STXBP4: variants seen among roughly 807,000 people sequenced by gnomAD.
The protein encoded by STXBP4 is syntaxin-binding protein 4.
A neutral mutation model predicts 76.1 loss-of-function variants in STXBP4; 55 were observed. The ratio of observed to expected loss-of-function variants is 0.72; its 90% CI spans 0.58 to 0.91. STXBP4 has a LOEUF of 0.91. Among genes scored for constraint, STXBP4 ranks in the 40% least tolerant of loss-of-function variants. STXBP4 has a pLI of 0.00. For missense variants in STXBP4, 618 were observed against 636.9 expected (o/e 0.97, Z 0.32); for synonymous variants, 201 against 220.2 (o/e 0.91, Z 0.77).
the STXBP4 span, among the ~76,000 whole-genome samples, chr17:55,188,688 T>C: frequency 6.6e-6 from 1 of 152,348 alleles, no homozygotes; most frequent in Non-Finnish European, 1.5e-5. Context: ...TTTCTTACCC[T>C]GGTTCCTGGC....
intron 16 of STXBP4, among the ~76,000 whole-genome samples, chr17:55,107,577 T>C (rs1376941880): frequency 6.6e-6 from 1 of 152,022 alleles, no homozygotes; most frequent in Non-Finnish European, 1.5e-5. Flanking sequence ...TCGTTTGATG[T>C]TGGTGACCTT....
At position 55,168,679 on chromosome 17, in the gene STXBP4, T is replaced by A. The variant is rs1269332708; in HGVS notation, c.*8768T>A. 6.6e-6 allele frequency: 1 copy of A among 152,208 alleles called. No individual in the cohort carries two copies. The highest frequency in any genetic ancestry group is 1.5e-5 in the Non-Finnish European group (1 of 68,020). 9.4% of individuals were successfully genotyped at this position (152,208 alleles called of 1,614,324 possible). A position where few individuals can be genotyped will look rare whatever the true frequency, so the allele number is the denominator to read the frequency against. ...TTTACAAAGCTCTGTACATTCAGAA[T>A]TGAACTCTTTCTGCATCTCTTTTTT... On this transcript the variant is annotated 3_prime_UTR_variant, in exon 18 of 18. Coordinates refer to ENST00000376352, the MANE Select transcript of STXBP4 (RefSeq NM_178509.6).
At chr17:55,209,833 C>T in the STXBP4 span, among the ~76,000 whole-genome samples, 3 of 152,180 alleles carry the variant, frequency 2.0e-5, no homozygotes, top group African/African-American at 4.8e-5. Context: ...TTCCCTCTTC[C>T]GAGGGGATTT....
chr17:55,123,728 G>A (rs1026779961), intron 16 of STXBP4, among the ~76,000 whole-genome samples: 6 of 151,804 alleles, frequency 4.0e-5, no homozygotes, highest in South Asian at 4.2e-4. Flanking sequence ...GTGAAACCCC[G>A]TCTCTACTAA....
At chr17:55,149,403 C>T (rs943704905) in intron 17 of STXBP4, among the ~76,000 whole-genome samples, 1 of 152,146 alleles carries the variant, frequency 6.6e-6, no homozygotes, top group Non-Finnish European at 1.5e-5. Context: ...TAAGTGTGAC[C>T]TTGGTAGTGG....
chr17:55,068,325 T>C (rs2079078206), intron 12 of STXBP4, among the ~76,000 whole-genome samples: 1 of 151,832 alleles, frequency 6.6e-6, no homozygotes, highest in Non-Finnish European at 1.5e-5. Context: ...TTTTCTCCTG[T>C]CACCTATTGA....
intron 8 of STXBP4, among the ~76,000 whole-genome samples, chr17:55,026,725 A>G (rs1468288490): frequency 3.3e-5 from 5 of 152,196 alleles, no homozygotes; most frequent in African/African-American, 1.2e-4. Flanking sequence ...TCTATATTAC[A>G]GGGGACTTTG....
rs752773929 is a variant in STXBP4, at chr17:55,159,788, C to G, written c.1548-9C>G. The G allele has an allele frequency of 1.3e-6, 2 of 1,568,876 alleles. No homozygotes were observed. The highest frequency in any genetic ancestry group is 2.2e-5 in the South Asian group (2 of 89,784). ...TTCAGATTCTAATTGCATTCTTGTT[C>G]TTCTCAAGTCATGTAACACAGACTA... On this transcript the variant is annotated splice_polypyrimidine_tract_variant and intron_variant, in intron 17 of 17. Coordinates refer to ENST00000376352, the MANE Select transcript of STXBP4 (RefSeq NM_178509.6).
intron 8 of STXBP4, among the ~76,000 whole-genome samples, chr17:55,009,233 G>A (rs568734342): frequency 6.6e-6 from 1 of 152,264 alleles, no homozygotes; most frequent in African/African-American, 2.4e-5. Flanking sequence ...TGGCTAAAAT[G>A]TAAGTTCTGG....
intron 17 of STXBP4, among the ~76,000 whole-genome samples, chr17:55,144,005 G>GCACACACACA (rs61300425): frequency 5.8e-5 from 8 of 138,856 alleles, no homozygotes; most frequent in African/African-American, 2.2e-4. Context: ...AAAGCCACCT[G>GCACACACACA]CACACACACA....
rs1238349639 is a variant in STXBP4, at chr17:55,047,090, A to T, written c.947A>T (p.Glu316Val). 6.9e-6 allele frequency: 11 copies of T among 1,598,906 alleles called. No individual in the cohort carries two copies. The highest frequency in any genetic ancestry group is 4.4e-5 in the South Asian group (4 of 89,958). ...DALKEVNTLK[E>V]KLLESDKQRK... Reference sequence around the variant, plus strand: ...TAATTTGGTGGTTTTTAAATATAGGAAAAATTATTGGAATCAGATAAGCAA... The same window carrying T: ...TAATTTGGTGGTTTTTAAATATAGGTAAAATTATTGGAATCAGATAAGCAA... The change falls in exon 12 of 18, where the codon GAA becomes GTA. Residue 316 changes from glutamate (E) to valine (V), a missense_variant and splice_region_variant. Glu to Val is a moderately radical substitution (Grantham distance 121). Transcript: ENST00000376352.
rs2080324171 is a variant in STXBP4, at chr17:55,160,074, T to C, written c.*163T>C. ...GGGTATTTTTGTAAAACTTTTGATA[T>C]TTCTGTATACATTTAAAAAATCAAT... On this transcript the variant is annotated 3_prime_UTR_variant, in exon 18 of 18. Transcript: ENST00000376352. 1 of 504,854 alleles carries C rather than the reference T, an allele frequency of 2.0e-6. No individual in the cohort carries two copies. Among genetic ancestry groups the C allele is most frequent in the African/African-American group, 2.0e-5 (1 of 51,124 alleles). 31.3% of individuals were successfully genotyped at this position (504,854 alleles called of 1,614,324 possible). A position where few individuals can be genotyped will look rare whatever the true frequency, so the allele number is the denominator to read the frequency against.
At chr17:55,033,948 A>T (rs146568693) in intron 9 of STXBP4, among the ~76,000 whole-genome samples, 1 of 152,228 alleles carries the variant, frequency 6.6e-6, no homozygotes, top group Admixed American at 6.5e-5. Context: ...CTTTATTATT[A>T]TCTTAGCTGA....
chr17:55,037,410 A>G (rs893356034), intron 10 of STXBP4, among the ~76,000 whole-genome samples: 1 of 152,182 alleles, frequency 6.6e-6, no homozygotes, highest in African/African-American at 2.4e-5. Context: ...GTCATGCTCC[A>G]GGTTAGCAAT....
intron 16 of STXBP4, among the ~76,000 whole-genome samples, chr17:55,137,779 CA>C (rs1377619668): frequency 6.6e-6 from 1 of 152,062 alleles, no homozygotes; most frequent in Non-Finnish European, 1.5e-5. Context: ...TTATTATTAG[CA>C]TTGAAAATTT....
chr17:55,171,143 C>T lies in STXBP4; in HGVS notation c.*11232C>T, dbSNP rs954066431. On this transcript the variant is annotated 3_prime_UTR_variant, in exon 18 of 18. Coordinates refer to ENST00000376352, the MANE Select transcript of STXBP4 (RefSeq NM_178509.6). ...AGTTGATGCATCATTAGGATTTTCACATTAACTCTTTGGACTTAGAGCCAT... is the reference window on the plus strand; with the variant it reads ...AGTTGATGCATCATTAGGATTTTCATATTAACTCTTTGGACTTAGAGCCAT... 3.5e-4 allele frequency: 54 copies of T among 152,312 alleles called. No individual in the cohort carries two copies. The highest frequency in any genetic ancestry group is 9.8e-4 in the Admixed American group (15 of 15,302). The allele number at this position is 152,312 out of a possible 1,614,324, so 9.4% of individuals were successfully genotyped here. A position where few individuals can be genotyped will look rare whatever the true frequency, so the allele number is the denominator to read the frequency against.
chr17:54,974,693 A>G (rs1196229005), intron 1 of STXBP4, among the ~76,000 whole-genome samples: 1 of 152,230 alleles, frequency 6.6e-6, no homozygotes, highest in Admixed American at 6.5e-5. Context: ...CTTGGCCTAG[A>G]AAAGAATTCC....
At chr17:55,142,637 A>G (rs532542127) in intron 17 of STXBP4, among the ~76,000 whole-genome samples, 5 of 141,462 alleles carry the variant, frequency 3.5e-5, no homozygotes, top group Admixed American at 2.7e-4. Flanking sequence ...CGTGGAGGGG[A>G]AAAAAAACCT....
the STXBP4 span, among the ~76,000 whole-genome samples, chr17:55,197,199 C>G: frequency 6.6e-6 from 1 of 152,158 alleles, no homozygotes; most frequent in Non-Finnish European, 1.5e-5. Context: ...CCAGGTGATT[C>G]TAATGTGCAG....
Sources: allele counts gnomAD v4.1 joint callset (sites outside exome capture counted in the v4.1 genomes callset), GRCh38; gene constraint gnomAD v4.1.1; transcripts MANE v1.5; gene names NCBI Gene and HGNC (gene_info 2026-07-23, HGNC 2026-07-21).